CDH23: variants seen among roughly 807,000 people sequenced by gnomAD.
CDH23 encodes the protein cadherin-23.
CDH23 carries 189 observed loss-of-function variants against 317.1 expected under a neutral mutation model. The observed-to-expected ratio is 0.60, with a 90% CI of 0.53 to 0.67. The LOEUF is 0.67. CDH23 is among the 30% of genes least tolerant of loss of function. CDH23 has a pLI of 0.00. For missense variants in CDH23, 4,401 were observed against 4,592.4 expected (o/e 0.96, Z 1.20); for synonymous variants, 1,839 against 1,876.8 (o/e 0.98, Z 0.52).
At chr10:71,421,813 G>A (rs1346874708) in intron 1 of CDH23, among the ~76,000 whole-genome samples, 1 of 151,518 alleles carries the variant, frequency 6.6e-6, no homozygotes, top group Admixed American at 6.6e-5. Flanking sequence ...CTGGTGTGGT[G>A]GATTGTGAGG....
intron 3 of CDH23, among the ~76,000 whole-genome samples, chr10:71,471,811 G>A (rs780288412): frequency 1.3e-5 from 2 of 152,042 alleles, no homozygotes; most frequent in African/African-American, 2.4e-5. Context: ...CTCTCTTCCC[G>A]GAAGCTTTGC....
At chr10:71,437,940 AC>A (rs1396837132) in intron 1 of CDH23, among the ~76,000 whole-genome samples, 1 of 152,092 alleles carries the variant, frequency 6.6e-6, no homozygotes. Flanking sequence ...TCAGTTTGCA[AC>A]CCCTGTGATA....
intron 3 of CDH23, among the ~76,000 whole-genome samples, chr10:71,503,821 C>T (rs77024668): frequency 0.017 from 2,598 of 152,140 alleles, 60 homozygotes; most frequent in African/African-American, 0.054. Context: ...AGGAAGCTGC[C>T]GTAGAGGTGG....
At chr10:71,810,599 G>A (rs1301281267) in intron 62 of CDH23, 30 bp downstream of exon 62, 2 of 1,604,384 alleles carry the variant, frequency 1.2e-6, no homozygotes, top group Non-Finnish European at 8.5e-7. Flanking sequence ...TGGACTGTCA[G>A]CCTGTCTGTC....
intron 28 of CDH23, among the ~76,000 whole-genome samples, chr10:71,718,193 G>T (rs537351714): frequency 3.3e-5 from 5 of 152,104 alleles, no homozygotes; most frequent in Non-Finnish European, 7.4e-5. Flanking sequence ...GTCAGGTCAC[G>T]CTCAGAGAAA....
intron 6 of CDH23, among the ~76,000 whole-genome samples, chr10:71,532,409 G>T (rs1217561098): frequency 6.6e-6 from 1 of 152,198 alleles, no homozygotes; most frequent in Non-Finnish European, 1.5e-5. Flanking sequence ...CAGGGTAATG[G>T]CAGGCCCTTC....
chr10:71,525,481 T>C (rs1854985387), intron 6 of CDH23, among the ~76,000 whole-genome samples: 1 of 152,200 alleles, frequency 6.6e-6, no homozygotes, highest in South Asian at 2.1e-4. Context: ...GGGAAGCTGG[T>C]GGTTTTTGGG....
chr10:71,465,177 C>T (rs1342266229), intron 3 of CDH23, among the ~76,000 whole-genome samples: 1 of 152,262 alleles, frequency 6.6e-6, no homozygotes, highest in Non-Finnish European at 1.5e-5. Flanking sequence ...TGGGCAGCCA[C>T]ATGTGTTGAG....
chr10:71,666,051 C>T (rs1345929547), intron 14 of CDH23, among the ~76,000 whole-genome samples: 2 of 152,170 alleles, frequency 1.3e-5, no homozygotes, highest in Non-Finnish European at 2.9e-5. Flanking sequence ...GCTGGCTGTC[C>T]AGCCCAAGTC....
At chr10:71,491,787 G>T (rs1327636663) in intron 3 of CDH23, among the ~76,000 whole-genome samples, 2 of 152,192 alleles carry the variant, frequency 1.3e-5, no homozygotes, top group South Asian at 2.1e-4. Context: ...GCTCCTGTTT[G>T]TGGGGTGTCC....
rs774921227 is a variant in CDH23, at chr10:71,810,611, G to T, written c.9077+42G>T. ...GTTTGGACTGTCAGCCTGTCTGTCT[G>T]CCTGCCTCCCTGCCCTGGAGTAGGG... On this transcript the variant is annotated intron_variant, in intron 62 of 69. Coordinates refer to ENST00000224721, the MANE Select transcript of CDH23 (RefSeq NM_022124.6). The T allele has an allele frequency of 5.7e-6, 9 of 1,580,290 alleles. No homozygotes were observed. The East Asian group carries it at 9.0e-5, about 16-fold the overall frequency.
chr10:71,725,601 C>A, intron 30 of CDH23, 81 bp downstream of exon 30: 2 of 1,483,350 alleles, frequency 1.3e-6, no homozygotes, highest in East Asian at 2.4e-5. Context: ...CATTAGTTGG[C>A]GCCTGGTGTG....
At chr10:71,639,427 C>G (rs939862994) in intron 11 of CDH23, among the ~76,000 whole-genome samples, 2 of 152,240 alleles carry the variant, frequency 1.3e-5, no homozygotes, top group South Asian at 2.1e-4. Context: ...GCTTTGTGCC[C>G]TGACCTGAGC....
chr10:71,588,893 C>T (rs1044289000), intron 9 of CDH23, among the ~76,000 whole-genome samples: 3 of 152,212 alleles, frequency 2.0e-5, no homozygotes, highest in African/African-American at 7.2e-5. Context: ...GCGCCCATGA[C>T]CCTGGAGCCA....
At position 71,738,445 on chromosome 10, in the gene CDH23, T is replaced by C. The variant is rs12218550; in HGVS notation, c.4210-53T>C. ...GGACCCACGGTGGGACCCAGGTGTTTGGGGCCAAGGAGGGGAAGGAGGCTG... is the reference window on the plus strand; with the variant it reads ...GGACCCACGGTGGGACCCAGGTGTTCGGGGCCAAGGAGGGGAAGGAGGCTG... On this transcript the variant is annotated intron_variant, in intron 34 of 69. Coordinates refer to ENST00000224721, the MANE Select transcript of CDH23 (RefSeq NM_022124.6). 24,787 of 1,612,186 alleles carry C rather than the reference T, an allele frequency of 0.015. 1,907 individuals are homozygous for C. The East Asian group carries it at 0.2, about 13-fold the overall frequency.
intron 38 of CDH23, among the ~76,000 whole-genome samples, chr10:71,769,281 G>T (rs539793781): frequency 5.5e-4 from 84 of 151,898 alleles, no homozygotes; most frequent in Non-Finnish European, 9.7e-4. Flanking sequence ...TTTTTTGCAA[G>T]GGAAAGCAGC....
At chr10:71,587,738 T>A (rs562126403) in intron 9 of CDH23, among the ~76,000 whole-genome samples, 63 of 152,344 alleles carry the variant, frequency 4.1e-4, no homozygotes, top group African/African-American at 1.4e-3. Flanking sequence ...GACGAGCCCC[T>A]CTAAGCAGCT....
chr10:71,574,502 G>A lies in CDH23; in HGVS notation c.754-3412G>A, dbSNP rs944904781. Among the ~76,000 whole-genome samples, 11 of 152,184 alleles carry A rather than the reference G, an allele frequency of 7.2e-5. No individual in the cohort carries two copies. The South Asian group carries it at 1.0e-3, about 14-fold the overall frequency. On this transcript the variant is annotated intron_variant, in intron 8 of 69. Coordinates refer to ENST00000224721, the MANE Select transcript of CDH23 (RefSeq NM_022124.6). ...AGAATCTGCTGTGGCAGCTCTCATC[G>A]GAAGTCCCCTTCAGCCCCCACCAGC...
At chr10:71,755,218 C>G in intron 38 of CDH23, 1 of 834,418 alleles carries the variant, frequency 1.2e-6, no homozygotes, top group Non-Finnish European at 1.9e-6. Flanking sequence ...CAGCTCCTGG[C>G]GGGAAGTGCA....
Sources: allele counts gnomAD v4.1 joint callset (sites outside exome capture counted in the v4.1 genomes callset), GRCh38; gene constraint gnomAD v4.1.1; transcripts MANE v1.5; gene names NCBI Gene and HGNC (gene_info 2026-07-23, HGNC 2026-07-21).